Variants in MAST3 observed in about 807,000 individuals in gnomAD.
The protein encoded by MAST3 is microtubule associated serine/threonine kinase 3.
MAST3 carries 43 observed loss-of-function variants against 127.0 expected under a neutral mutation model. That is an observed-to-expected ratio of 0.34 (90% CI 0.27 to 0.44). The LOEUF (loss-of-function observed/expected upper bound fraction) is 0.44. MAST3 is among the 20% of genes least tolerant of loss of function. MAST3 has a pLI of 1.00. For missense variants in MAST3, 1,390 were observed against 1,919.1 expected (o/e 0.72, Z 5.15); for synonymous variants, 785 against 809.2 (o/e 0.97, Z 0.51).
chr19:18,123,407 C>T (rs1432786507), intron 7 of MAST3, 33 bp downstream of exon 7: 2 of 1,583,690 alleles, frequency 1.3e-6, no homozygotes, highest in Middle Eastern at 3.4e-4. Flanking sequence ...AGCCCCGGCC[C>T]CTCCCTGGGC....
intron 15 of MAST3, among the ~76,000 whole-genome samples, chr19:18,132,778 A>G (rs1329847769): frequency 6.6e-6 from 1 of 152,180 alleles, no homozygotes; most frequent in Non-Finnish European, 1.5e-5. Context: ...TCTCACATAC[A>G]TGTGTGGAGA....
intron 2 of MAST3, 47 bp downstream of exon 2, chr19:18,107,665 G>A (rs1568547818): frequency 6.4e-7 from 1 of 1,566,838 alleles, no homozygotes; most frequent in Non-Finnish European, 8.7e-7. Context: ...CAGTGGTCTT[G>A]GAAGTGGATA....
In MAST3 at chr19:18,150,392, T is replaced by G. The variant is rs1242259690; in HGVS notation, c.*666T>G. 6.6e-6 allele frequency: 1 copy of G among 152,368 alleles called. No individual in the cohort carries two copies. The highest frequency in any genetic ancestry group is 2.4e-5 in the African/African-American group (1 of 41,474). 9.4% of individuals were successfully genotyped at this position (152,368 alleles called of 1,614,324 possible). On this transcript the variant is annotated 3_prime_UTR_variant, in exon 28 of 28. Coordinates refer to ENST00000687212, the MANE Select transcript of MAST3 (RefSeq NM_001393504.1). ...GACTCTGTTTGCAGGCCCTGCCCTC[T>G]GGGCTGAGAAGGATGCACTTTGGAC...
chr19:18,126,970 C>T (rs1209285317), intron 11 of MAST3, among the ~76,000 whole-genome samples: 3 of 151,372 alleles, frequency 2.0e-5, no homozygotes, highest in East Asian at 2.0e-4. Flanking sequence ...TTAGTAGAGG[C>T]GGGGTTTCAC....
chr19:18,145,724 C>T lies in MAST3; in HGVS notation c.3040-19C>T, dbSNP rs376729440. 106 of 1,564,736 alleles carry T rather than the reference C, an allele frequency of 6.8e-5. No homozygotes were observed. Among genetic ancestry groups the T allele is most frequent in the Middle Eastern group, 1.7e-4 (1 of 5,918 alleles). On this transcript the variant is annotated intron_variant, in intron 24 of 27. Transcript: ENST00000687212. This position sits in a 1 kb window ranked among gnomAD's most constrained non-coding sequence, Gnocchi z 5.9. ...GTGGGGCCCAGGCCATTGACCCCAC[C>T]GTTCTCGTCTGCCCCCAGAGTGTGG...
At chr19:18,124,557 G>A in intron 10 of MAST3, 85 bp from the exon 11 acceptor site, 1 of 1,485,384 alleles carries the variant, frequency 6.7e-7, no homozygotes, top group Non-Finnish European at 9.0e-7. Flanking sequence ...GAGCTGGGAA[G>A]GGTGCTCCAG....
intron 9 of MAST3, 55 bp downstream of exon 9, chr19:18,124,203 G>C: frequency 6.3e-7 from 1 of 1,589,516 alleles, no homozygotes; most frequent in Non-Finnish European, 8.6e-7. Context: ...TGGAGTGAGG[G>C]GGGTCCCCAG....
intron 11 of MAST3, among the ~76,000 whole-genome samples, chr19:18,126,239 A>T (rs571063357): frequency 2.0e-5 from 3 of 151,120 alleles, no homozygotes; most frequent in South Asian, 4.2e-4. Flanking sequence ...GAAAAAAAAA[A>T]ATTTCCACAA....
intron 3 of MAST3, among the ~76,000 whole-genome samples, chr19:18,118,599 G>T (rs1468862895): frequency 6.6e-6 from 1 of 152,184 alleles, no homozygotes; most frequent in Admixed American, 6.5e-5. Context: ...GCCGCTGGGG[G>T]TCCATTCAGC....
In MAST3 at chr19:18,145,715, T is replaced by C. The variant is rs2042953068; in HGVS notation, c.3040-28T>C. On this transcript the variant is annotated intron_variant, in intron 24 of 27. Transcript: ENST00000687212. The surrounding 1 kb of genome is among the most constrained non-coding windows in gnomAD (Gnocchi z 5.9). The stretch of plus-strand genomic sequence containing the variant: ...TCCCCAGATGTGGGGCCCAGGCCAT[T>C]GACCCCACCGTTCTCGTCTGCCCCC... The C allele has an allele frequency of 6.5e-7, 1 of 1,550,330 alleles. No homozygotes were observed.
At chr19:18,130,862 A>G (rs1035902482) in intron 14 of MAST3, among the ~76,000 whole-genome samples, 160 bp downstream of exon 14, 3 of 152,170 alleles carry the variant, frequency 2.0e-5, no homozygotes, top group Non-Finnish European at 4.4e-5. Flanking sequence ...TAGGGAGCCC[A>G]GCCATGGGGG....
chr19:18,133,322 G>A (rs966326531), intron 15 of MAST3, among the ~76,000 whole-genome samples: 1 of 152,088 alleles, frequency 6.6e-6, no homozygotes, highest in Non-Finnish European at 1.5e-5. Context: ...TACAAAATAG[G>A]CAGAAGAACA....
At chr19:18,107,767 C>T (rs1209099218) in intron 2 of MAST3, 149 bp downstream of exon 2, 1 of 876,740 alleles carries the variant, frequency 1.1e-6, no homozygotes, top group Admixed American at 2.7e-5. Context: ...CAAAGTGCTT[C>T]ACAAGCACCT....
chr19:18,147,305 G>A (rs995088123), intron 26 of MAST3, 138 bp from the exon 27 acceptor site: 35 of 796,728 alleles, frequency 4.4e-5, no homozygotes, highest in Non-Finnish European at 6.8e-5. Flanking sequence ...GTTTCGCCAT[G>A]TTGGCCAGGC....
chr19:18,101,009 G>C (rs1173202509), intron 1 of MAST3, among the ~76,000 whole-genome samples: 1 of 152,210 alleles, frequency 6.6e-6, no homozygotes, highest in African/African-American at 2.4e-5. Flanking sequence ...CGGCCAGTTT[G>C]CGACAGCCCT....
In MAST3 at chr19:18,128,877, G is replaced by A. The variant is rs768729893; in HGVS notation, c.1149G>A (p.Leu383=). The A allele has an allele frequency of 3.1e-6, 5 of 1,613,440 alleles. No homozygotes were observed. Among genetic ancestry groups the A allele is most frequent in the Non-Finnish European group, 4.2e-6 (5 of 1,179,838 alleles). ...PAPESPESRA[L]VGQSRRKPCE... is the part of the protein sequence containing the mutation. ...TTCCCATCCCCTAGAGCCGCGCCCT[G>A]GTCGGCCAGTCACGGAGGAAGCCAT... Residue 383 remains leucine, a synonymous_variant, in exon 13 of 28, where the codon CTG becomes CTA. Transcript: ENST00000687212.
In MAST3 at chr19:18,120,865, G is replaced by T. The variant is rs547956451; in HGVS notation, c.162-820G>T. ...GCCTACCAAGTAGCTGGGATTACAGGCATGCATCACCACGCCCAGCTAATT... is the reference window on the plus strand; with the variant it reads ...GCCTACCAAGTAGCTGGGATTACAGTCATGCATCACCACGCCCAGCTAATT... On this transcript the variant is annotated intron_variant, in intron 3 of 27. Coordinates refer to ENST00000687212, the MANE Select transcript of MAST3 (RefSeq NM_001393504.1). 6.6e-5 allele frequency among the ~76,000 whole-genome samples: 10 copies of T among 152,288 alleles called. No homozygotes were observed. In the East Asian group the frequency reaches 1.7e-3, roughly 26 times the overall value.
In MAST3 at chr19:18,145,314, G is replaced by C; in HGVS notation, c.3039+85G>C. ...TCCCTTCTCAGAGCTGCATTTTGGA[G>C]CCTGGCAGGGTTAGGTAGATAGAGC... On this transcript the variant is annotated intron_variant, in intron 24 of 27. Coordinates refer to ENST00000687212, the MANE Select transcript of MAST3 (RefSeq NM_001393504.1). This position sits in a 1 kb window ranked among gnomAD's most constrained non-coding sequence, Gnocchi z 5.9. The C allele has an allele frequency of 7.5e-7, 1 of 1,335,146 alleles. No individual in the cohort carries two copies. Among genetic ancestry groups the C allele is most frequent in the Non-Finnish European group, 1.1e-6 (1 of 938,196 alleles). 82.7% of individuals were successfully genotyped at this position (1,335,146 alleles called of 1,614,324 possible). A position where few individuals can be genotyped will look rare whatever the true frequency, so the allele number is the denominator to read the frequency against.
chr19:18,116,755 C>CA lies in MAST3; in HGVS notation c.162-4923dup, dbSNP rs894919472. The stretch of plus-strand genomic sequence containing the variant: ...TGAAACTCCGTCTCTACTAAAAATA[C>CA]AAAAAAATTAGCTGGGCGTGGTGGT... On this transcript the variant is annotated intron_variant, in intron 3 of 27. Coordinates refer to ENST00000687212, the MANE Select transcript of MAST3 (RefSeq NM_001393504.1). Among the ~76,000 whole-genome samples the CA allele has an allele frequency of 8.1e-4, 10 of 12,294 alleles. No individual in the cohort carries two copies. In the East Asian group the frequency reaches 8.9e-3, roughly 11 times the overall value. 8.1% of individuals were successfully genotyped at this position (12,294 alleles called of 152,430 possible).
Sources: allele counts gnomAD v4.1 joint callset (sites outside exome capture counted in the v4.1 genomes callset), GRCh38; gene constraint gnomAD v4.1.1; non-coding constraint Gnocchi (gnomAD v3.1); transcripts MANE v1.5; gene names NCBI Gene and HGNC (gene_info 2026-07-23, HGNC 2026-07-21).